EGLN1: variants seen among roughly 807,000 people sequenced by gnomAD.
EGLN1 encodes egl nine homolog 1.
A neutral mutation model predicts 38.3 loss-of-function variants in EGLN1; 17 were observed. The ratio of observed to expected loss-of-function variants is 0.44; its 90% CI spans 0.30 to 0.67. EGLN1 has a LOEUF of 0.67. Ranked by LOEUF, EGLN1 falls within the 30% of genes least tolerant of loss-of-function variation. EGLN1 has a pLI of 0.08. For synonymous variants in EGLN1, 283 were observed against 257.5 expected, an observed-to-expected ratio of 1.10 and a Z score of -0.95; for missense variants, 477 against 603.3, an observed-to-expected ratio of 0.79 and a Z score of 2.19.
intron 4 of EGLN1, among the ~76,000 whole-genome samples, chr1:231,366,961 G>C (rs1265369441): frequency 2.0e-5 from 3 of 152,348 alleles, no homozygotes; most frequent in Non-Finnish European, 2.9e-5. Flanking sequence ...TGGTCCATCA[G>C]ATGGGAAACA....
intron 1 of EGLN1, among the ~76,000 whole-genome samples, 197 bp downstream of exon 1, chr1:231,420,801 C>G (rs576159662): frequency 1.3e-5 from 2 of 152,144 alleles, no homozygotes; most frequent in Non-Finnish European, 2.9e-5. Flanking sequence ...AAGTGGAAAA[C>G]AGTGGATACA....
At chr1:231,399,901 A>C (rs1355516918) in intron 1 of EGLN1, among the ~76,000 whole-genome samples, 1 of 152,166 alleles carries the variant, frequency 6.6e-6, no homozygotes, top group Non-Finnish European at 1.5e-5. Flanking sequence ...AAGGGGAATA[A>C]CAACTTTCAA....
chr1:231,367,013 AG>A (rs1687667384), intron 4 of EGLN1, among the ~76,000 whole-genome samples: 1 of 152,210 alleles, frequency 6.6e-6, no homozygotes, highest in African/African-American at 2.4e-5. Context: ...GTGGAAGAGA[AG>A]GGGAACTGGC....
chr1:231,389,037 T>C (rs563551787), intron 1 of EGLN1, among the ~76,000 whole-genome samples: 2 of 152,240 alleles, frequency 1.3e-5, no homozygotes, highest in Admixed American at 6.5e-5. Flanking sequence ...AATAGGAAAA[T>C]ATACAGCTCA....
chr1:231,391,694 T>G (rs1688391692), intron 1 of EGLN1, among the ~76,000 whole-genome samples: 1 of 152,140 alleles, frequency 6.6e-6, no homozygotes, highest in Non-Finnish European at 1.5e-5. Context: ...AATAACCAAT[T>G]TGAATAAGTA....
intron 1 of EGLN1, among the ~76,000 whole-genome samples, chr1:231,377,025 G>A (rs2790892): frequency 0.54 from 82,485 of 151,560 alleles, 24,011 homozygotes; most frequent in Non-Finnish European, 0.65. Context: ...AGAAGGGCCA[G>A]GAAGCCAACA....
chr1:231,375,058 T>G (rs1687924446), intron 1 of EGLN1, among the ~76,000 whole-genome samples: 1 of 152,182 alleles, frequency 6.6e-6, no homozygotes, highest in South Asian at 2.1e-4. Context: ...TATGAGCTAT[T>G]CTTGTTTTTG....
At chr1:231,374,346 G>C (rs1179829461) in intron 1 of EGLN1, among the ~76,000 whole-genome samples, 3 of 152,074 alleles carry the variant, frequency 2.0e-5, no homozygotes, top group African/African-American at 7.2e-5. Context: ...AAAATTTCTT[G>C]GTCCTACTTT....
intron 1 of EGLN1, among the ~76,000 whole-genome samples, chr1:231,414,151 T>G (rs908260256): frequency 6.6e-6 from 1 of 152,122 alleles, no homozygotes; most frequent in Admixed American, 6.5e-5. Flanking sequence ...AATGCCATCA[T>G]GTAGTCACAG....
intron 1 of EGLN1, among the ~76,000 whole-genome samples, chr1:231,393,857 A>G (rs1688452417): frequency 6.6e-6 from 1 of 152,236 alleles, no homozygotes; most frequent in Non-Finnish European, 1.5e-5. Flanking sequence ...ATATCAGAAC[A>G]GTAGGAGTCA....
At position 231,421,279 on chromosome 1, in the gene EGLN1, T is replaced by G; in HGVS notation, c.610A>C (p.Lys204Gln). 1 of 1,613,456 alleles carries G rather than the reference T, an allele frequency of 6.2e-7. No individual in the cohort carries two copies. The highest frequency in any genetic ancestry group is 8.5e-7 in the Non-Finnish European group (1 of 1,179,980). ...ALEYIVPCMN[K>Q]HGICVVDDFL... The stretch of plus-strand genomic sequence containing the variant: ...TCGTCCACCACACAGATGCCGTGCT[T>G]GTTCATGCACGGCACGATGTACTCG... The change falls in exon 1 of 5, where the codon AAG becomes CAG. Residue 204 changes from lysine (K) to glutamine (Q), a missense_variant. Transcript: ENST00000366641. The surrounding 1 kb of genome is among the most constrained non-coding windows in gnomAD (Gnocchi z 5.5).
chr1:231,412,496 T>C (rs1688979333), intron 1 of EGLN1, among the ~76,000 whole-genome samples: 1 of 152,248 alleles, frequency 6.6e-6, no homozygotes, highest in Non-Finnish European at 1.5e-5. Context: ...TTTACGTGGA[T>C]TCACAAGCCA....
chr1:231,409,009 C>T (rs1234508145), intron 1 of EGLN1, among the ~76,000 whole-genome samples: 2 of 139,202 alleles, frequency 1.4e-5, no homozygotes, highest in Non-Finnish European at 3.1e-5. Flanking sequence ...TAGAAAGATA[C>T]AAAAAGAAAA....
At chr1:231,410,993 T>C (rs1034043689) in intron 1 of EGLN1, among the ~76,000 whole-genome samples, 3 of 152,120 alleles carry the variant, frequency 2.0e-5, no homozygotes, top group East Asian at 1.9e-4. Flanking sequence ...AGGGTAATTA[T>C]ATAACAAAAC....
intron 1 of EGLN1, among the ~76,000 whole-genome samples, chr1:231,375,992 A>G (rs1246363525): frequency 1.3e-5 from 2 of 152,136 alleles, no homozygotes; most frequent in East Asian, 3.9e-4. Context: ...AGGGGAAAAT[A>G]TTTGTCAGTC....
chr1:231,366,709 T>C (rs1687657471), intron 4 of EGLN1, among the ~76,000 whole-genome samples: 1 of 152,258 alleles, frequency 6.6e-6, no homozygotes, highest in Non-Finnish European at 1.5e-5. Context: ...ATAATGATTT[T>C]GTCTTTTTAT....
chr1:231,380,465 TA>T (rs1345201350), intron 1 of EGLN1, among the ~76,000 whole-genome samples: 1 of 34,630 alleles, frequency 2.9e-5, no homozygotes, highest in African/African-American at 5.1e-5. Context: ...AAATGATAGG[TA>T]TATATATATT....
At chr1:231,374,123 A>G (rs1320978441) in intron 1 of EGLN1, 24 bp from the exon 2 acceptor site, 3 of 1,609,444 alleles carry the variant, frequency 1.9e-6, no homozygotes. Flanking sequence ...AATAATGATT[A>G]TTAAAGTCCA....
At chr1:231,385,560 G>A (rs1688184133) in intron 1 of EGLN1, among the ~76,000 whole-genome samples, 1 of 152,226 alleles carries the variant, frequency 6.6e-6, no homozygotes, top group Non-Finnish European at 1.5e-5. Flanking sequence ...CCTGACGTGT[G>A]AGTCAAGGAA....
Sources: gnomAD v4.1 joint callset for allele counts (sites outside exome capture counted in the v4.1 genomes callset) on GRCh38, gnomAD v4.1.1 for gene constraint, Gnocchi (gnomAD v3.1) non-coding constraint, MANE v1.5 for transcripts, NCBI Gene and HGNC (gene_info 2026-07-23, HGNC 2026-07-21) for gene names.